Variants in SYT1 observed in about 807,000 individuals in gnomAD.
SYT1 encodes the protein synaptotagmin 1.
SYT1 carries 8 observed loss-of-function variants against 44.8 expected under a neutral mutation model. The ratio of observed to expected loss-of-function variants is 0.18; its 90% CI spans 0.10 to 0.32. The LOEUF (loss-of-function observed/expected upper bound fraction) is 0.32, where lower values mean the gene tolerates loss of function less well. Ranked by LOEUF, SYT1 falls within the 10% of genes least tolerant of loss-of-function variation. The pLI is 1.00. For synonymous variants in SYT1, 154 were observed against 188.8 expected, an observed-to-expected ratio of 0.82 and a Z score of 1.51; for missense variants, 286 against 509.3, an observed-to-expected ratio of 0.56 and a Z score of 4.22.
intron 1 of SYT1, among the ~76,000 whole-genome samples, chr12:78,922,414 T>A (rs1877057874): frequency 6.6e-6 from 1 of 151,714 alleles, no homozygotes. Context: ...ATATAAAATG[T>A]TGTTTATTAT....
intron 4 of SYT1, among the ~76,000 whole-genome samples, chr12:79,271,905 C>T (rs1374375157): frequency 6.6e-6 from 1 of 152,132 alleles, no homozygotes; most frequent in Non-Finnish European, 1.5e-5. Flanking sequence ...TATACATTTG[C>T]ACACATTTAT....
intron 9 of SYT1, among the ~76,000 whole-genome samples, chr12:79,400,682 T>C (rs900348660): frequency 6.6e-5 from 10 of 152,204 alleles, no homozygotes; most frequent in African/African-American, 2.4e-4. Context: ...ACATAACAAA[T>C]GAGACCACGC....
At chr12:79,387,608 A>C (rs1162874095) in intron 9 of SYT1, among the ~76,000 whole-genome samples, 3 of 152,248 alleles carry the variant, frequency 2.0e-5, no homozygotes, top group African/African-American at 7.2e-5. Context: ...TTCAAATATG[A>C]AGCTATTTAA....
At chr12:79,324,820 G>A (rs1277617288) in intron 8 of SYT1, among the ~76,000 whole-genome samples, 3 of 151,800 alleles carry the variant, frequency 2.0e-5, no homozygotes, top group East Asian at 1.9e-4. Flanking sequence ...TACAAAGAAC[G>A]GGACAAAAAT....
chr12:79,208,174 A>C (rs1238826186), intron 3 of SYT1, among the ~76,000 whole-genome samples: 1 of 152,088 alleles, frequency 6.6e-6, no homozygotes, highest in Non-Finnish European at 1.5e-5. Context: ...CATGTTCCCA[A>C]TTATCTAACA....
At chr12:79,422,675 GCT>G (rs151278469) in intron 9 of SYT1, among the ~76,000 whole-genome samples, 53 of 146,960 alleles carry the variant, frequency 3.6e-4, no homozygotes, top group South Asian at 8.6e-4. Flanking sequence ...GGTTGCTCGT[GCT>G]CTCTCTCTCT....
intron 8 of SYT1, among the ~76,000 whole-genome samples, chr12:79,342,611 GA>G (rs1383669187): frequency 6.6e-6 from 1 of 152,200 alleles, no homozygotes; most frequent in East Asian, 1.9e-4. Context: ...TAATCTATAT[GA>G]GAGATTATTT....
At chr12:79,312,592 C>G (rs1280303262) in intron 8 of SYT1, among the ~76,000 whole-genome samples, 2 of 152,240 alleles carry the variant, frequency 1.3e-5, no homozygotes, top group South Asian at 4.1e-4. Context: ...CACTAGAATA[C>G]ATGACAAGCC....
chr12:79,273,922 A>G (rs1445221351), intron 4 of SYT1, among the ~76,000 whole-genome samples: 1 of 152,104 alleles, frequency 6.6e-6, no homozygotes, highest in Admixed American at 6.5e-5. Flanking sequence ...CGTCTCTACT[A>G]AAAATACAGA....
At chr12:79,128,969 T>C (rs968628700) in intron 3 of SYT1, among the ~76,000 whole-genome samples, 3 of 152,208 alleles carry the variant, frequency 2.0e-5, no homozygotes, top group Middle Eastern at 6.8e-3. Flanking sequence ...AGTGTAGATA[T>C]AAGACAAAAC....
intron 1 of SYT1, among the ~76,000 whole-genome samples, chr12:78,959,296 G>T (rs1879380217): frequency 6.6e-6 from 1 of 152,066 alleles, no homozygotes; most frequent in South Asian, 2.1e-4. Flanking sequence ...TCAGCTAGAA[G>T]AAAGATTTTT....
At chr12:79,198,453 T>C (rs1873588336) in intron 3 of SYT1, among the ~76,000 whole-genome samples, 1 of 152,196 alleles carries the variant, frequency 6.6e-6, no homozygotes, top group Non-Finnish European at 1.5e-5. Context: ...CTAAGCCTTC[T>C]AAAAGGCATT....
At chr12:79,146,613 C>A (rs934821136) in intron 3 of SYT1, among the ~76,000 whole-genome samples, 1 of 151,996 alleles carries the variant, frequency 6.6e-6, no homozygotes, top group Non-Finnish European at 1.5e-5. Flanking sequence ...ACCTCAGAAG[C>A]CAGGAGACAT....
chr12:79,144,216 AC>A (rs1869736605), intron 3 of SYT1, among the ~76,000 whole-genome samples: 2 of 152,214 alleles, frequency 1.3e-5, no homozygotes, highest in South Asian at 4.1e-4. Flanking sequence ...CAGGCACCAG[AC>A]TTATTTCTCC....
intron 6 of SYT1, 59 bp downstream of exon 6, chr12:79,292,189 A>G: frequency 6.4e-7 from 1 of 1,570,140 alleles, no homozygotes; most frequent in Non-Finnish European, 8.6e-7. Context: ...ACCAAGTAGA[A>G]ATTGCAGCAA....
intron 9 of SYT1, among the ~76,000 whole-genome samples, chr12:79,400,414 C>T (rs964843043): frequency 2.0e-5 from 3 of 152,148 alleles, no homozygotes; most frequent in Non-Finnish European, 4.4e-5. Flanking sequence ...TTCCTATCTT[C>T]CTAGAACTTC....
intron 3 of SYT1, among the ~76,000 whole-genome samples, chr12:79,089,606 G>C (rs1192246219): frequency 1.3e-5 from 2 of 151,768 alleles, no homozygotes; most frequent in Non-Finnish European, 2.9e-5. Context: ...TTATGCAAAG[G>C]ATTCAAGTTT....
chr12:78,948,816 G>C (rs1878805253), intron 1 of SYT1, among the ~76,000 whole-genome samples: 1 of 151,688 alleles, frequency 6.6e-6, no homozygotes, highest in African/African-American at 2.4e-5. Context: ...TACTTGCATA[G>C]TGTCCATGGA....
intron 3 of SYT1, among the ~76,000 whole-genome samples, chr12:79,054,335 A>T (rs940743976): frequency 3.3e-5 from 5 of 152,024 alleles, no homozygotes; most frequent in Admixed American, 1.3e-4. Context: ...AGATTGCATC[A>T]TGCATATTTG....
Sources: allele counts gnomAD v4.1 joint callset (sites outside exome capture counted in the v4.1 genomes callset), GRCh38; gene constraint gnomAD v4.1.1; transcripts MANE v1.5; gene names NCBI Gene and HGNC (gene_info 2026-07-23, HGNC 2026-07-21).